TEX36: variants seen among roughly 807,000 people sequenced by gnomAD.
TEX36 encodes the protein testis expressed 36.
A neutral mutation model predicts 13.6 loss-of-function variants in TEX36; 12 were observed. The observed-to-expected ratio is 0.88, with a 90% CI of 0.56 to 1.43. TEX36 has a LOEUF of 1.43. Among genes scored for constraint, TEX36 ranks in the 40% most tolerant of loss-of-function variants. The pLI, the probability that TEX36 is intolerant of heterozygous loss-of-function variation, is 0.00. For synonymous variants in TEX36, 93 were observed against 83.0 expected (o/e 1.12, Z -0.65); for missense variants, 224 against 228.3 (o/e 0.98, Z 0.12).
intron 3 of TEX36, among the ~76,000 whole-genome samples, chr10:125,607,280 GT>G (rs372592240): frequency 9.6e-4 from 147 of 152,332 alleles, no homozygotes; most frequent in African/African-American, 3.4e-3. Flanking sequence ...GTAATTTCCA[GT>G]GCTGTCAAGC....
chr10:125,579,055 A>G (rs1845856737), intron 3 of TEX36, among the ~76,000 whole-genome samples: 1 of 152,200 alleles, frequency 6.6e-6, no homozygotes, highest in Non-Finnish European at 1.5e-5. Context: ...ACTCCTGATT[A>G]GTCAGATATT....
chr10:125,651,448 C>T (rs536524837), downstream of TEX36, among the ~76,000 whole-genome samples: 14 of 152,202 alleles, frequency 9.2e-5, no homozygotes, highest in East Asian at 1.2e-3. Flanking sequence ...ATTCAACAGC[C>T]CTTCATGCTA....
chr10:125,580,105 T>A (rs1240117714), intron 3 of TEX36, among the ~76,000 whole-genome samples: 1 of 152,230 alleles, frequency 6.6e-6, no homozygotes, highest in Non-Finnish European at 1.5e-5. Context: ...TCTGTATTAT[T>A]AGACATGGAG....
intron 1 of TEX36, among the ~76,000 whole-genome samples, chr10:125,673,706 C>T (rs1199820392): frequency 9.7e-6 from 1 of 102,696 alleles, no homozygotes; most frequent in African/African-American, 5.1e-5. Context: ...GAGAGACTCT[C>T]TCTCAAAAAA....
At chr10:125,628,902 G>A (rs548440426) in intron 3 of TEX36, among the ~76,000 whole-genome samples, 3 of 152,254 alleles carry the variant, frequency 2.0e-5, no homozygotes, top group South Asian at 2.1e-4. Flanking sequence ...CGCATGTGCC[G>A]GGCATGGAGT....
chr10:125,622,759 G>A (rs897213839), intron 3 of TEX36, among the ~76,000 whole-genome samples: 2 of 152,222 alleles, frequency 1.3e-5, no homozygotes, highest in African/African-American at 4.8e-5. Context: ...CCTTCATCGA[G>A]GAGTAGTAGT....
chr10:125,682,981 T>A lies in TEX36; in HGVS notation c.9A>T (p.Lys3Asn), dbSNP rs1475084082. The change falls in exon 1 of 4, where the codon AAA becomes AAT. Residue 3 changes from lysine (K) to asparagine (N), a missense_variant. Coordinates refer to ENST00000368821, the MANE Select transcript of TEX36 (RefSeq NM_001128202.3). MT[K>N]GRRFNPPSDK... ...CTGAAGGTGGGTTGAAGCGTCGCCC[T>A]TTGGTCATTCTCTCCAGGAAGCTGA... 1 of 1,551,590 alleles carries A rather than the reference T, an allele frequency of 6.4e-7. No homozygotes were observed. Among genetic ancestry groups the A allele is most frequent in the African/African-American group, 1.4e-5 (1 of 73,048 alleles).
At chr10:125,643,462 G>A (rs952032451) in intron 3 of TEX36, among the ~76,000 whole-genome samples, 4 of 152,080 alleles carry the variant, frequency 2.6e-5, no homozygotes, top group Admixed American at 2.6e-4. Context: ...ACAAAAATTA[G>A]GCCGGGCACG....
At chr10:125,598,784 A>T (rs1464811791) in intron 3 of TEX36, among the ~76,000 whole-genome samples, 1 of 152,184 alleles carries the variant, frequency 6.6e-6, no homozygotes, top group Non-Finnish European at 1.5e-5. Context: ...TCTCAACAGT[A>T]ACTCACTTTA....
rs1180330485 is a variant in TEX36 at position 125,609,134 on chromosome 10, AACAGAGGGAG to A, written c.265-32270_265-32261del. Among the ~76,000 whole-genome samples the A allele has an allele frequency of 2.0e-5, 3 of 149,882 alleles. No homozygotes were observed. In the South Asian group the frequency reaches 6.3e-4, roughly 32 times the overall value. ...GGTGCCACTGCACTCCAGCATGGGCAACAGAGGGAGACTCCATCTCAGGAAAAAACAAAAC... is the reference window on the plus strand; with the variant it reads ...GGTGCCACTGCACTCCAGCATGGGCAACTCCATCTCAGGAAAAAACAAAAC... On this transcript the variant is annotated intron_variant, in intron 3 of 3. Coordinates refer to the TEX36 transcript ENST00000532135.
chr10:125,578,456 A>C (rs943782554), intron 3 of TEX36: 4 of 152,248 alleles, frequency 2.6e-5, no homozygotes, highest in Non-Finnish European at 5.9e-5. Flanking sequence ...CTGAATTTTC[A>C]GTCATTCTTT....
chr10:125,616,206 C>T (rs556943280), intron 3 of TEX36, among the ~76,000 whole-genome samples: 1 of 152,066 alleles, frequency 6.6e-6, no homozygotes, highest in East Asian at 1.9e-4. Context: ...AGTGGTCTAT[C>T]AATTTTGTTG....
intron 3 of TEX36, among the ~76,000 whole-genome samples, chr10:125,643,527 A>T (rs1046228697): frequency 3.9e-5 from 6 of 152,128 alleles, no homozygotes; most frequent in African/African-American, 1.4e-4. Context: ...GCGGATCACG[A>T]GGTCAGGAGA....
downstream of TEX36, among the ~76,000 whole-genome samples, chr10:125,618,541 C>T (rs1402467536): frequency 2.6e-5 from 4 of 152,022 alleles, no homozygotes; most frequent in African/African-American, 4.8e-5. Flanking sequence ...TTGGAGTACC[C>T]GGCTGTGTGA....
At position 125,605,850 on chromosome 10, in the gene TEX36, C is replaced by T. The variant is rs192380693; in HGVS notation, c.265-28976G>A. On this transcript the variant is annotated intron_variant, in intron 3 of 3. Transcript: ENST00000532135. ...CTCCTGACCTCAGGTGATCTGCCTT[C>T]CTCAGCCTCCCAAAGGGCTGGGCTT... Among the ~76,000 whole-genome samples, 1,222 of 152,316 alleles carry T rather than the reference C, an allele frequency of 8.0e-3. 17 individuals carry two copies. The highest frequency in any genetic ancestry group is 0.028 in the African/African-American group (1,174 of 41,570).
chr10:125,597,190 G>T (rs1846090408), intron 3 of TEX36, among the ~76,000 whole-genome samples: 2 of 152,178 alleles, frequency 1.3e-5, no homozygotes, highest in African/African-American at 4.8e-5. Flanking sequence ...TCTATCCACT[G>T]CAGGTGCATG....
chr10:125,630,264 C>T (rs553112658), intron 3 of TEX36, among the ~76,000 whole-genome samples: 17 of 152,258 alleles, frequency 1.1e-4, no homozygotes, highest in East Asian at 9.7e-4. Flanking sequence ...GTCCATTCTC[C>T]GAGTCAGGAA....
At chr10:125,635,788 C>T (rs755506964) in intron 3 of TEX36, among the ~76,000 whole-genome samples, 2 of 152,098 alleles carry the variant, frequency 1.3e-5, no homozygotes, top group African/African-American at 2.4e-5. Flanking sequence ...TGGTGGGTTC[C>T]ACCTCCAGCC....
intron 3 of TEX36, among the ~76,000 whole-genome samples, chr10:125,630,760 T>C (rs768188026): frequency 1.3e-5 from 2 of 151,872 alleles, no homozygotes; most frequent in African/African-American, 4.8e-5. Flanking sequence ...GTGTGGAGGG[T>C]TGACGTCCCC....
Sources: gnomAD v4.1 joint callset for allele counts (sites outside exome capture counted in the v4.1 genomes callset) on GRCh38, gnomAD v4.1.1 for gene constraint, MANE v1.5 for transcripts, NCBI Gene and HGNC (gene_info 2026-07-23, HGNC 2026-07-21) for gene names.